CEP112: variants seen among roughly 807,000 people sequenced by gnomAD.
CEP112 encodes the protein centrosomal protein of 112 kDa.
A neutral mutation model predicts 153.0 loss-of-function variants in CEP112; 127 were observed. That is an observed-to-expected ratio of 0.83 (90% confidence interval 0.72 to 0.96). The LOEUF (loss-of-function observed/expected upper bound fraction) is 0.96. Ranked by LOEUF, CEP112 falls within the 40% of genes least tolerant of loss-of-function variation. The pLI, the probability that CEP112 is intolerant of heterozygous loss-of-function variation, is 0.00. For synonymous variants in CEP112, 358 were observed against 374.4 expected (o/e 0.96, Z 0.51); for missense variants, 1,089 against 1,101.2 (o/e 0.99, Z 0.16).
Position 66,132,772 on chromosome 17 carries a change from C to T in CEP112, c.471-9G>A. ...CAGTGTACTGTTCCCTGCTAAGAGA[C>T]CAAAATAATCGCAATCACAATTTGG... On this transcript the variant is annotated splice_polypyrimidine_tract_variant and intron_variant, in intron 4 of 26. Coordinates refer to ENST00000535342, the MANE Select transcript of CEP112 (RefSeq NM_001199165.4). 2 of 1,572,368 alleles carry T rather than the reference C, an allele frequency of 1.3e-6. No individual in the cohort carries two copies. Among genetic ancestry groups the T allele is most frequent in the Non-Finnish European group, 1.8e-6 (2 of 1,141,962 alleles).
intron 23 of CEP112, among the ~76,000 whole-genome samples, chr17:65,730,037 T>G (rs942371699): frequency 1.3e-5 from 2 of 152,256 alleles, no homozygotes; most frequent in South Asian, 4.1e-4. Context: ...CTTTCACCTG[T>G]GTTCTTTTGA....
intron 23 of CEP112, among the ~76,000 whole-genome samples, chr17:65,691,809 AT>A (rs1336842691): frequency 3.3e-5 from 5 of 151,870 alleles, no homozygotes; most frequent in African/African-American, 9.7e-5. Context: ...ATAGTTATCT[AT>A]TTTTTTTGTC....
chr17:65,868,838 ATGAT>A (rs2146474596), intron 20 of CEP112, among the ~76,000 whole-genome samples: 1 of 152,368 alleles, frequency 6.6e-6, no homozygotes, highest in Admixed American at 6.5e-5. Context: ...TTTTTTGGAA[ATGAT>A]TGATTTCAAA....
chr17:65,949,718 G>T (rs1026276025), intron 18 of CEP112, among the ~76,000 whole-genome samples: 2 of 152,266 alleles, frequency 1.3e-5, no homozygotes, highest in Admixed American at 1.3e-4. Context: ...AGTCAGAGAT[G>T]ATATGAGGAG....
chr17:66,190,031 CA>C (rs1428474157), intron 1 of CEP112, among the ~76,000 whole-genome samples: 2 of 151,154 alleles, frequency 1.3e-5, no homozygotes, highest in African/African-American at 4.9e-5. Context: ...GACCCTGTCT[CA>C]AAAAACCTGA....
chr17:65,888,919 G>A (rs72831471), intron 20 of CEP112, among the ~76,000 whole-genome samples: 307 of 152,256 alleles, frequency 2.0e-3, no homozygotes, highest in Non-Finnish European at 3.0e-3. Flanking sequence ...TTGGCTCTTA[G>A]ATAGGCCCAG....
intron 23 of CEP112, among the ~76,000 whole-genome samples, chr17:65,732,803 A>G (rs150450389): frequency 1.0e-3 from 156 of 152,364 alleles, no homozygotes; most frequent in African/African-American, 3.6e-3. Flanking sequence ...AATTGAAGAA[A>G]TTTATGGCCT....
chr17:65,810,826 C>G (rs7342910), intron 21 of CEP112, among the ~76,000 whole-genome samples: 1 of 151,824 alleles, frequency 6.6e-6, no homozygotes, highest in Admixed American at 6.6e-5. Flanking sequence ...TAGTGAAGAC[C>G]TTAGACAGAG....
chr17:65,968,030 AC>A (rs2062477744), intron 17 of CEP112, among the ~76,000 whole-genome samples: 2 of 152,178 alleles, frequency 1.3e-5, no homozygotes, highest in Non-Finnish European at 2.9e-5. Context: ...TAAATTGTAC[AC>A]CATATATGCA....
At chr17:66,044,422 G>A (rs1363371658) in intron 12 of CEP112, among the ~76,000 whole-genome samples, 1 of 151,946 alleles carries the variant, frequency 6.6e-6, no homozygotes, top group Non-Finnish European at 1.5e-5. Context: ...GTACACCCAC[G>A]TACACGGCAG....
intron 20 of CEP112, among the ~76,000 whole-genome samples, chr17:65,855,932 G>A (rs1282311835): frequency 6.6e-6 from 1 of 151,832 alleles, no homozygotes; most frequent in Admixed American, 6.6e-5. Context: ...GGTGTGGTGG[G>A]GTGTGCCTGT....
At chr17:65,855,988 C>T (rs2058108062) in intron 20 of CEP112, among the ~76,000 whole-genome samples, 1 of 151,998 alleles carries the variant, frequency 6.6e-6, no homozygotes, top group African/African-American at 2.4e-5. Flanking sequence ...CAATTGAGCC[C>T]AGGAGGCTGC....
At chr17:66,086,449 G>C (rs1044675963) in intron 8 of CEP112, among the ~76,000 whole-genome samples, 52 of 125,020 alleles carry the variant, frequency 4.2e-4, no homozygotes, top group African/African-American at 1.6e-3. Context: ...TGTCACCCAG[G>C]CTGGAGTGCA....
At chr17:65,648,468 A>G (rs1429949636) in intron 24 of CEP112, among the ~76,000 whole-genome samples, 1 of 152,222 alleles carries the variant, frequency 6.6e-6, no homozygotes, top group Admixed American at 6.5e-5. Context: ...CGGCACTGAC[A>G]CTATGATTCC....
rs139417007 is a variant in CEP112 at position 65,885,014 on chromosome 17, C to T, written c.2163+17138G>A. Among the ~76,000 whole-genome samples the T allele has an allele frequency of 2.3e-3, 344 of 152,014 alleles. 1 individual carries two copies. Among genetic ancestry groups the T allele is most frequent in the African/African-American group, 7.9e-3 (329 of 41,460 alleles). ...TACAGGTGTGAGCCATCGCGCCCGG[C>T]CTAGTTTGTAGTTTCAAATAAAAAT... is the stretch of plus-strand genomic sequence containing the variant. On this transcript the variant is annotated intron_variant, in intron 20 of 26. Coordinates refer to ENST00000535342, the MANE Select transcript of CEP112 (RefSeq NM_001199165.4).
chr17:65,864,012 G>A (rs117561127), intron 20 of CEP112, among the ~76,000 whole-genome samples: 2,961 of 151,790 alleles, frequency 0.02, 28 homozygotes, highest in Middle Eastern at 0.041. Context: ...CAGGGGGCAC[G>A]CACCTGTAGT....
intron 8 of CEP112, among the ~76,000 whole-genome samples, chr17:66,073,321 T>C (rs771542532): frequency 3.3e-5 from 5 of 152,212 alleles, no homozygotes; most frequent in Non-Finnish European, 5.9e-5. Flanking sequence ...CTGGAGTCCA[T>C]GTGGAGCACC....
chr17:65,987,565 A>G (rs929123396), intron 17 of CEP112, among the ~76,000 whole-genome samples: 1 of 152,230 alleles, frequency 6.6e-6, no homozygotes, highest in Non-Finnish European at 1.5e-5. Context: ...AAAGAGAATT[A>G]CATCTGATTC....
At chr17:66,110,469 G>A (rs999139802) in intron 6 of CEP112, among the ~76,000 whole-genome samples, 1 of 151,946 alleles carries the variant, frequency 6.6e-6, no homozygotes, top group South Asian at 2.1e-4. Context: ...ATTTGTGAAA[G>A]GTCTAGCATT....
Sources: allele counts gnomAD v4.1 joint callset (sites outside exome capture counted in the v4.1 genomes callset), GRCh38; gene constraint gnomAD v4.1.1; transcripts MANE v1.5; gene names NCBI Gene and HGNC (gene_info 2026-07-23, HGNC 2026-07-21).